OXNAD1: variants seen among roughly 807,000 people sequenced by gnomAD.
OXNAD1 encodes oxidoreductase NAD binding domain containing 1.
A neutral mutation model predicts 32.9 loss-of-function variants in OXNAD1; 34 were observed. The observed-to-expected ratio is 1.03, with a 90% CI of 0.79 to 1.38. The LOEUF is 1.38. OXNAD1 is among the 40% of genes most tolerant of loss of function. The pLI is 0.00. For missense variants in OXNAD1, 407 were observed against 379.4 expected, an observed-to-expected ratio of 1.07 and a Z score of -0.60; for synonymous variants, 134 against 135.2, an observed-to-expected ratio of 0.99 and a Z score of 0.06.
rs539238750 is a variant in OXNAD1 at position 16,345,474 on chromosome 3, C to A, written c.*31-3702C>A. Reference sequence around the variant, plus strand: ...GGAAAAGATTAGCATTTGAATGGGTCAACTGAGTAGACCAGATGGCCCTCC... The same window carrying A: ...GGAAAAGATTAGCATTTGAATGGGTAAACTGAGTAGACCAGATGGCCCTCC... On this transcript the variant is annotated intron_variant, in intron 9 of 9. Transcript: ENST00000606098. This position sits in a 1 kb window ranked among gnomAD's most constrained non-coding sequence, Gnocchi z 5.2. Among the ~76,000 whole-genome samples the A allele has an allele frequency of 1.9e-3, 285 of 152,204 alleles. 3 individuals carry two copies. The highest frequency in any genetic ancestry group is 6.2e-3 in the African/African-American group (258 of 41,518).
intron 1 of OXNAD1, 50 bp from the exon 2 acceptor site, chr3:16,269,075 CT>C: frequency 1.4e-6 from 2 of 1,388,788 alleles, no homozygotes; most frequent in East Asian, 2.7e-5. Context: ...GGTAATAGTG[CT>C]TTTGATCAGT....
At position 16,297,421 on chromosome 3, in the gene OXNAD1, C is replaced by T. The variant is rs950962627; in HGVS notation, c.432+2424C>T. Among the ~76,000 whole-genome samples, 3 of 152,074 alleles carry T rather than the reference C, an allele frequency of 2.0e-5. No homozygotes were observed. Among genetic ancestry groups the T allele is most frequent in the South Asian group, 2.1e-4 (1 of 4,822 alleles). ...TAGTGGGAATGCAAAATAGTACAGCCGATCTGGAAAGCATTTTAGCAGTTT... is the reference window on the plus strand; with the variant it reads ...TAGTGGGAATGCAAAATAGTACAGCTGATCTGGAAAGCATTTTAGCAGTTT... On this transcript the variant is annotated intron_variant, in intron 6 of 8. Transcript: ENST00000285083. This position sits in a 1 kb window ranked among gnomAD's most constrained non-coding sequence, Gnocchi z 4.3.
chr3:16,306,048 CTCA>C lies in OXNAD1; in HGVS notation c.*2487_*2489del, dbSNP rs1326170884. The C allele has an allele frequency of 6.6e-6, 1 of 152,174 alleles. No individual in the cohort carries two copies. Among genetic ancestry groups the C allele is most frequent in the Non-Finnish European group, 1.5e-5 (1 of 68,036 alleles). The allele number at this position is 152,174 out of a possible 1,614,324, so 9.4% of individuals were successfully genotyped here. A position where few individuals can be genotyped will look rare whatever the true frequency, so the allele number is the denominator to read the frequency against. ...TATTTCATAAATATTTGTTAATATG[CTCA>C]GAGTTGATAAGCTGGATTAAAGTGA... is the stretch of plus-strand genomic sequence containing the variant. On this transcript the variant is annotated 3_prime_UTR_variant, in exon 9 of 9. Transcript: ENST00000285083.
Position 16,271,774 on chromosome 3 carries a change from G to A in OXNAD1, c.183+52G>A, listed in dbSNP as rs375608858. 5.5e-6 allele frequency: 8 copies of A among 1,463,806 alleles called. No homozygotes were observed. In the African/African-American group the frequency reaches 5.7e-5, roughly 10 times the overall value. 90.7% of individuals were successfully genotyped at this position (1,463,806 alleles called of 1,614,324 possible). ...TTTTCCAGCTAGACCGTTTACATGTGGTTATGACTGGCTTATGGGTAAAGC... is the reference window on the plus strand; with the variant it reads ...TTTTCCAGCTAGACCGTTTACATGTAGTTATGACTGGCTTATGGGTAAAGC... On this transcript the variant is annotated intron_variant, in intron 4 of 8. Transcript: ENST00000285083. This position sits in a 1 kb window ranked among gnomAD's most constrained non-coding sequence, Gnocchi z 4.6.
At position 16,317,090 on chromosome 3, in the gene OXNAD1, C is replaced by T. The variant is rs2068484421; in HGVS notation, c.*30+13498C>T. The T allele has an allele frequency of 6.2e-7, 1 of 1,613,782 alleles. No individual in the cohort carries two copies. The highest frequency in any genetic ancestry group is 8.5e-7 in the Non-Finnish European group (1 of 1,179,998). ...CTGCTGCTGTCCTGAAACACAGTTT[C>T]CCATGTCTCCAGCTTTGGAAGACTG... On this transcript the variant is annotated intron_variant, in intron 9 of 9. Transcript: ENST00000435829. This position sits in a 1 kb window ranked among gnomAD's most constrained non-coding sequence, Gnocchi z 4.3.
At chr3:16,276,506 A>G (rs952059564) in intron 4 of OXNAD1, 3 of 150,616 alleles carry the variant, frequency 2.0e-5, no homozygotes, top group African/African-American at 5.9e-5. Flanking sequence ...GAAACCCATC[A>G]ATCTTGCTAT....
rs1340866812 is a variant in OXNAD1 at position 16,297,187 on chromosome 3, G to T, written c.432+2190G>T. 1.3e-5 allele frequency among the ~76,000 whole-genome samples: 2 copies of T among 152,098 alleles called. No homozygotes were observed. The highest frequency in any genetic ancestry group is 2.9e-5 in the Non-Finnish European group (2 of 68,006). Reference sequence around the variant, plus strand: ...TTTTAAATGGACAAAGGATTGAACAGACACTTCAGTAAAAAAGGATATGAT... The same window carrying T: ...TTTTAAATGGACAAAGGATTGAACATACACTTCAGTAAAAAAGGATATGAT... On this transcript the variant is annotated intron_variant, in intron 6 of 8. Transcript: ENST00000285083. This position sits in a 1 kb window ranked among gnomAD's most constrained non-coding sequence, Gnocchi z 4.3.
At chr3:16,308,026 T>C (rs1451834634), downstream of OXNAD1, among the ~76,000 whole-genome samples, 1 of 152,162 alleles carries the variant, frequency 6.6e-6, no homozygotes, top group East Asian at 1.9e-4. The surrounding 1 kb of genome is among the most constrained non-coding windows in gnomAD (Gnocchi z 4.4). Flanking sequence ...ATGATGTCAT[T>C]TATTGAGCAT....
Position 16,294,861 on chromosome 3 carries a change from AT to A in OXNAD1, c.299del (p.Phe100SerfsTer21). The A allele has an allele frequency of 6.2e-7, 1 of 1,602,606 alleles. No homozygotes were observed. ...DFSFKAGQWV[D>X]FFIPGVSVVG... ...TTATTTGGCTTTCTTTTTAGGGTTG[AT>A]TTCTTTATTCCAGGAGTCTCTGTGG... On this transcript the variant is annotated frameshift_variant, in exon 6 of 9. Transcript: ENST00000285083. LOFTEE classifies it high-confidence loss of function.
rs1024545774 is a variant in OXNAD1, at chr3:16,289,587, T to C, written c.290+3139T>C. The stretch of plus-strand genomic sequence containing the variant: ...CTACCCTTGAGCAGGGCTGCCACAC[T>C]GTAGATAGATAATATCCTTGCAACC... On this transcript the variant is annotated intron_variant, in intron 5 of 8. Coordinates refer to ENST00000285083, the MANE Select transcript of OXNAD1 (RefSeq NM_138381.5). This position sits in a 1 kb window ranked among gnomAD's most constrained non-coding sequence, Gnocchi z 4.9. 1.2e-4 allele frequency among the ~76,000 whole-genome samples: 18 copies of C among 150,604 alleles called. No homozygotes were observed. Among genetic ancestry groups the C allele is most frequent in the Admixed American group, 5.3e-4 (8 of 15,176 alleles).
chr3:16,301,657 T>A lies in OXNAD1; in HGVS notation c.464T>A (p.Val155Glu). The change falls in exon 7 of 9, where the codon GTG (valine) becomes GAG (glutamate). Residue 155 changes from valine (V) to glutamate (E), a missense_variant. Transcript: ENST00000285083. This position sits in a 1 kb window ranked among gnomAD's most constrained non-coding sequence, Gnocchi z 4.1. ...CTLDCEVAVR[V>E]GGEFFFDPQP... ...CTTGACTGTGAAGTGGCTGTGAGAGTGGGTGGAGAGTTCTTCTTTGACCCT... is the reference window on the plus strand; with the variant it reads ...CTTGACTGTGAAGTGGCTGTGAGAGAGGGTGGAGAGTTCTTCTTTGACCCT... 1 of 1,613,776 alleles carries A rather than the reference T, an allele frequency of 6.2e-7. No individual in the cohort carries two copies. The highest frequency in any genetic ancestry group is 1.3e-5 in the African/African-American group (1 of 74,996).
In OXNAD1 at chr3:16,345,832, GCGCACGCGCACA is replaced by G. The variant is rs879687481; in HGVS notation, c.*31-3343_*31-3332del. On this transcript the variant is annotated intron_variant, in intron 9 of 9. Transcript: ENST00000606098. This position sits in a 1 kb window ranked among gnomAD's most constrained non-coding sequence, Gnocchi z 5.2. ...TGTGTGTGTGTGCGCGCGCGCGTGCGCGCACGCGCACATGTGCATGTGTATGTGTATAATCTC... is the reference window on the plus strand; with the variant it reads ...TGTGTGTGTGTGCGCGCGCGCGTGCGTGTGCATGTGTATGTGTATAATCTC... 0.047 allele frequency among the ~76,000 whole-genome samples: 3,015 copies of G among 63,658 alleles called. 60 individuals are homozygous for G. Among genetic ancestry groups the G allele is most frequent in the Non-Finnish European group, 0.073 (2,235 of 30,424 alleles). 41.8% of individuals were successfully genotyped at this position (63,658 alleles called of 152,430 possible). A position where few individuals can be genotyped will look rare whatever the true frequency, so the allele number is the denominator to read the frequency against.
rs762998312 is a variant in OXNAD1 at position 16,294,979 on chromosome 3, CCT to C, written c.417_418del (p.Trp140GlyfsTer8). 6.2e-7 allele frequency: 1 copy of C among 1,612,226 alleles called. No homozygotes were observed. The highest frequency in any genetic ancestry group is 1.1e-5 in the South Asian group (1 of 90,808). ...TGAAATATACGAACCACCCTCCTGC[CCT>C]CTGGGTTCACAATACGGTAAGCACA... ...AVKYTNHPPA[L>X]WVHNTCTLDC... On this transcript the variant is annotated frameshift_variant, in exon 6 of 9. Coordinates refer to ENST00000285083, the MANE Select transcript of OXNAD1 (RefSeq NM_138381.5). LOFTEE classifies it high-confidence loss of function.
At position 16,265,952 on chromosome 3, in the gene OXNAD1, TA is replaced by T. The variant is rs1279145290; in HGVS notation, c.-159+451del. The T allele has an allele frequency of 1.5e-5, 14 of 957,444 alleles. No individual in the cohort carries two copies. The highest frequency in any genetic ancestry group is 1.6e-5 in the Non-Finnish European group (13 of 804,584). 59.3% of individuals were successfully genotyped at this position (957,444 alleles called of 1,614,324 possible). On this transcript the variant is annotated intron_variant, in intron 1 of 8. Coordinates refer to ENST00000285083, the MANE Select transcript of OXNAD1 (RefSeq NM_138381.5). This position sits in a 1 kb window ranked among gnomAD's most constrained non-coding sequence, Gnocchi z 4.8. ...TGTATGCCTTGAAGCGAAATGCAGA[TA>T]AAAGGCATTTTTGTCTTGAAAGCAG...
downstream of OXNAD1, among the ~76,000 whole-genome samples, chr3:16,308,377 A>G (rs1461548683): frequency 1.3e-5 from 2 of 152,238 alleles, no homozygotes; most frequent in African/African-American, 2.4e-5. This position sits in a 1 kb window ranked among gnomAD's most constrained non-coding sequence, Gnocchi z 4.4. Flanking sequence ...GAGGATTGTT[A>G]TATGGGACTC....
chr3:16,322,042 CAG>C lies in OXNAD1; in HGVS notation c.*31-15069_*31-15068del, dbSNP rs924179985. ...GCAGCGGGTGTCTGTCAGCATCTGA[CAG>C]GGGCCCTTTGCGTGCTGTGTGTTGA... On this transcript the variant is annotated intron_variant, in intron 9 of 9. Coordinates refer to the OXNAD1 transcript ENST00000435829. This position sits in a 1 kb window ranked among gnomAD's most constrained non-coding sequence, Gnocchi z 6.2. Among the ~76,000 whole-genome samples the C allele has an allele frequency of 3.0e-4, 46 of 152,356 alleles. No individual in the cohort carries two copies. The highest frequency in any genetic ancestry group is 1.1e-3 in the African/African-American group (46 of 41,580).
chr3:16,312,984 A>C lies in OXNAD1; in HGVS notation c.*30+9392A>C, dbSNP rs1337263757. On this transcript the variant is annotated intron_variant, in intron 9 of 9. Transcript: ENST00000435829. The surrounding 1 kb of genome is among the most constrained non-coding windows in gnomAD (Gnocchi z 4.7). Reference sequence around the variant, plus strand: ...TGGGATATACTACGCTTCAGTAGCCAATAAATCTCAAAATCTCAGTGGCTC... The same window carrying C: ...TGGGATATACTACGCTTCAGTAGCCCATAAATCTCAAAATCTCAGTGGCTC... Among the ~76,000 whole-genome samples, 1 of 152,154 alleles carries C rather than the reference A, an allele frequency of 6.6e-6. No homozygotes were observed. Among genetic ancestry groups the C allele is most frequent in the Non-Finnish European group, 1.5e-5 (1 of 68,044 alleles).
In OXNAD1 at chr3:16,269,173, C is replaced by A. The variant is rs1158931370; in HGVS notation, c.-111C>A. ...CATGGAAAAGCTGTCCATGTTCCAACTGCTGTACATCCAAAAGTCTCAGTG... is the reference window on the plus strand; with the variant it reads ...CATGGAAAAGCTGTCCATGTTCCAAATGCTGTACATCCAAAAGTCTCAGTG... On this transcript the variant is annotated 5_prime_UTR_variant, in exon 2 of 9. In the 5' UTR this introduces an upstream ATG that the reference lacks. Coordinates refer to ENST00000285083, the MANE Select transcript of OXNAD1 (RefSeq NM_138381.5). The A allele has an allele frequency of 1.3e-6, 2 of 1,519,140 alleles. No homozygotes were observed. The highest frequency in any genetic ancestry group is 1.4e-5 in the African/African-American group (1 of 71,944). The allele number at this position is 1,519,140 out of a possible 1,614,324, so 94.1% of individuals were successfully genotyped here. A position where few individuals can be genotyped will look rare whatever the true frequency, so the allele number is the denominator to read the frequency against.
chr3:16,336,018 G>A lies in OXNAD1; in HGVS notation c.*31-1094G>A, dbSNP rs71310335. Among the ~76,000 whole-genome samples, 6,594 of 152,288 alleles carry A rather than the reference G, an allele frequency of 0.043. 205 individuals carry two copies. The highest frequency in any genetic ancestry group is 0.067 in the Non-Finnish European group (4,566 of 68,020). ...CTGCTCAGCACACGCTGGCTATAGC[G>A]GCACTCGAGGAGGGTAGAGGTCCTG... is the stretch of plus-strand genomic sequence containing the variant. On this transcript the variant is annotated intron_variant, in intron 9 of 9. Coordinates refer to the OXNAD1 transcript ENST00000435829. The surrounding 1 kb of genome is among the most constrained non-coding windows in gnomAD (Gnocchi z 6.0).
Sources: gnomAD v4.1 joint callset for allele counts (sites outside exome capture counted in the v4.1 genomes callset) on GRCh38, gnomAD v4.1.1 for gene constraint, Gnocchi (gnomAD v3.1) non-coding constraint, MANE v1.5 for transcripts, NCBI Gene and HGNC (gene_info 2026-07-23, HGNC 2026-07-21) for gene names.